Variants in SAP30 observed in about 807,000 individuals in gnomAD.
SAP30 encodes Sin3A associated protein 30.
A neutral mutation model predicts 19.6 loss-of-function variants in SAP30; 13 were observed. The ratio of observed to expected loss-of-function variants is 0.66; its 90% CI spans 0.43 to 1.05. The LOEUF is 1.05. Ranked by LOEUF, SAP30 falls within the 50% of genes least tolerant of loss-of-function variation. SAP30 has a pLI of 0.00. For synonymous variants in SAP30, 108 were observed against 122.7 expected (o/e 0.88, Z 0.79); for missense variants, 257 against 292.1 (o/e 0.88, Z 0.88).
chr4:173,371,158 G>A lies in SAP30; in HGVS notation c.-25G>A. The A allele has an allele frequency of 1.4e-6, 2 of 1,475,012 alleles. No individual in the cohort carries two copies. The highest frequency in any genetic ancestry group is 4.5e-5 in the Admixed American group (2 of 44,090). The allele number at this position is 1,475,012 out of a possible 1,614,324, so 91.4% of individuals were successfully genotyped here. ...GCCAGGAGAGAGGGGATTTCTGTCA[G>A]CGCCGGCCTCGGGAGCTCGGAGACA... On this transcript the variant is annotated 5_prime_UTR_variant, in exon 1 of 4. Coordinates refer to ENST00000296504, the MANE Select transcript of SAP30 (RefSeq NM_003864.4). The surrounding 1 kb of genome is among the most constrained non-coding windows in gnomAD (Gnocchi z 6.4).
At chr4:173,376,639 G>A (rs1241677876) in intron 3 of SAP30, among the ~76,000 whole-genome samples, 1 of 151,384 alleles carries the variant, frequency 6.6e-6, no homozygotes, top group East Asian at 1.9e-4. Flanking sequence ...CTTTTTTTGA[G>A]ACAGAGTCTT....
At chr4:173,373,343 A>G in intron 1 of SAP30, 47 bp from the exon 2 acceptor site, 1 of 1,534,454 alleles carries the variant, frequency 6.5e-7, no homozygotes, top group Non-Finnish European at 8.8e-7. Context: ...ATACATAGAC[A>G]CATTTTACTG....
Position 173,371,911 on chromosome 4 carries a change from G to A in SAP30, c.315+414G>A, listed in dbSNP as rs1005350526. On this transcript the variant is annotated intron_variant, in intron 1 of 3. Transcript: ENST00000296504. The surrounding 1 kb of genome is among the most constrained non-coding windows in gnomAD (Gnocchi z 6.4). ...TGCCCAAGCTGGTGTTTGGCCCCAGGCGGTACTAAATCCCGTCGTCTAGGA... is the reference window on the plus strand; with the variant it reads ...TGCCCAAGCTGGTGTTTGGCCCCAGACGGTACTAAATCCCGTCGTCTAGGA... Among the ~76,000 whole-genome samples the A allele has an allele frequency of 2.6e-5, 4 of 152,246 alleles. No individual in the cohort carries two copies. Among genetic ancestry groups the A allele is most frequent in the Non-Finnish European group, 4.4e-5 (3 of 68,044 alleles).
rs1738914648 is a variant in SAP30 at position 173,371,082 on chromosome 4, A to G, written c.-101A>G. On this transcript the variant is annotated 5_prime_UTR_variant, in exon 1 of 4. Coordinates refer to ENST00000296504, the MANE Select transcript of SAP30 (RefSeq NM_003864.4). The surrounding 1 kb of genome is among the most constrained non-coding windows in gnomAD (Gnocchi z 6.4). ...TGGTGTTTGGCCGTGCCGCTGTCTA[A>G]CTTGGTGTGCAGAGTGAATTGCCGC... The G allele has an allele frequency of 7.7e-7, 1 of 1,290,332 alleles. No individual in the cohort carries two copies. The highest frequency in any genetic ancestry group is 3.1e-4 in the Middle Eastern group (1 of 3,260). 79.9% of individuals were successfully genotyped at this position (1,290,332 alleles called of 1,614,324 possible).
chr4:173,373,654 T>A, intron 2 of SAP30, 139 bp downstream of exon 2: 1 of 851,098 alleles, frequency 1.2e-6, no homozygotes, highest in Non-Finnish European at 1.7e-6. Context: ...ATATAGCCAG[T>A]TGACATGCAT....
At chr4:173,372,049 G>A (rs1738949477) in intron 1 of SAP30, among the ~76,000 whole-genome samples, 1 of 152,230 alleles carries the variant, frequency 6.6e-6, no homozygotes. Context: ...CAGTGAGCCG[G>A]GGTTGTAAAC....
intron 3 of SAP30, 59 bp from the exon 4 acceptor site, chr4:173,377,144 GTA>G: frequency 7.9e-7 from 1 of 1,270,420 alleles, no homozygotes; most frequent in Non-Finnish European, 1.1e-6. Context: ...TATTTTTTAC[GTA>G]GTTTATGAAA....
Position 173,371,623 on chromosome 4 carries a change from G to T in SAP30, c.315+126G>T. The stretch of plus-strand genomic sequence containing the variant: ...ACTGGCTGCAGTGCGGTCTCGTGGA[G>T]TCTGTGTTTGGAAGCAAATAACAAA... On this transcript the variant is annotated intron_variant, in intron 1 of 3. Transcript: ENST00000296504. This position sits in a 1 kb window ranked among gnomAD's most constrained non-coding sequence, Gnocchi z 6.4. The T allele has an allele frequency of 2.1e-6, 3 of 1,431,354 alleles. No homozygotes were observed. Among genetic ancestry groups the T allele is most frequent in the Non-Finnish European group, 2.8e-6 (3 of 1,088,594 alleles). 88.7% of individuals were successfully genotyped at this position (1,431,354 alleles called of 1,614,324 possible).
At chr4:173,374,825 GT>G (rs1392862658) in intron 3 of SAP30, among the ~76,000 whole-genome samples, 2 of 151,884 alleles carry the variant, frequency 1.3e-5, no homozygotes, top group African/African-American at 2.4e-5. Context: ...GTTGATGTTT[GT>G]TTTATTAGAG....
At position 173,371,068 on chromosome 4, in the gene SAP30, C is replaced by G. The variant is rs1274418330; in HGVS notation, c.-115C>G. 4 of 1,219,292 alleles carry G rather than the reference C, an allele frequency of 3.3e-6. No individual in the cohort carries two copies. Among genetic ancestry groups the G allele is most frequent in the Non-Finnish European group, 4.3e-6 (4 of 938,616 alleles). 75.5% of individuals were successfully genotyped at this position (1,219,292 alleles called of 1,614,324 possible). ...AGGCCCGGGACAGTTGGTGTTTGGCCGTGCCGCTGTCTAACTTGGTGTGCA... is the reference window on the plus strand; with the variant it reads ...AGGCCCGGGACAGTTGGTGTTTGGCGGTGCCGCTGTCTAACTTGGTGTGCA... On this transcript the variant is annotated 5_prime_UTR_variant, in exon 1 of 4. Coordinates refer to ENST00000296504, the MANE Select transcript of SAP30 (RefSeq NM_003864.4). The surrounding 1 kb of genome is among the most constrained non-coding windows in gnomAD (Gnocchi z 6.4).
At chr4:173,374,852 T>G (rs543301640) in intron 3 of SAP30, among the ~76,000 whole-genome samples, 2 of 152,178 alleles carry the variant, frequency 1.3e-5, no homozygotes, top group South Asian at 4.1e-4. Flanking sequence ...CATGTTTTTT[T>G]CACATCTAGA....
At chr4:173,375,144 TA>T (rs994916778) in intron 3 of SAP30, among the ~76,000 whole-genome samples, 4 of 151,638 alleles carry the variant, frequency 2.6e-5, no homozygotes, top group Middle Eastern at 3.4e-3. Flanking sequence ...ACTCCATCTC[TA>T]AAAAAAGAAA....
rs748171266 is a variant in SAP30, at chr4:173,373,908, G to C, written c.442-31G>C. The C allele has an allele frequency of 3.8e-6, 4 of 1,052,340 alleles. No individual in the cohort carries two copies. In the South Asian group the frequency reaches 6.2e-5, roughly 16 times the overall value. 65.2% of individuals were successfully genotyped at this position (1,052,340 alleles called of 1,614,324 possible). A position where few individuals can be genotyped will look rare whatever the true frequency, so the allele number is the denominator to read the frequency against. On this transcript the variant is annotated intron_variant, in intron 2 of 3. Coordinates refer to ENST00000296504, the MANE Select transcript of SAP30 (RefSeq NM_003864.4). Reference sequence around the variant, plus strand: ...ATGATAAATTTTCAACAAATTGTATGAACTCATTTATACATGTTAATTTTT... The same window carrying C: ...ATGATAAATTTTCAACAAATTGTATCAACTCATTTATACATGTTAATTTTT...
Position 173,377,136 on chromosome 4 carries a change from T to C in SAP30, c.541-69T>C. ...CACTTTTTCTTTTGATGAAACCGTATTTTTTACGTAGTTTATGAAACCTGT... is the reference window on the plus strand; with the variant it reads ...CACTTTTTCTTTTGATGAAACCGTACTTTTTACGTAGTTTATGAAACCTGT... On this transcript the variant is annotated intron_variant, in intron 3 of 3. Transcript: ENST00000296504. 3 of 1,223,036 alleles carry C rather than the reference T, an allele frequency of 2.5e-6. No individual in the cohort carries two copies. In the South Asian group the frequency reaches 4.7e-5, roughly 19 times the overall value. 75.8% of individuals were successfully genotyped at this position (1,223,036 alleles called of 1,614,324 possible). A position where few individuals can be genotyped will look rare whatever the true frequency, so the allele number is the denominator to read the frequency against.
chr4:173,373,297 T>C (rs1264688584), intron 1 of SAP30, 93 bp from the exon 2 acceptor site: 11 of 1,202,000 alleles, frequency 9.2e-6, no homozygotes, highest in African/African-American at 4.7e-5. Context: ...GCTGTCTTTA[T>C]TTTTAAGAAC....
At chr4:173,374,229 A>G (rs1230368453) in intron 3 of SAP30, among the ~76,000 whole-genome samples, 192 bp downstream of exon 3, 1 of 152,194 alleles carries the variant, frequency 6.6e-6, no homozygotes, top group African/African-American at 2.4e-5. Flanking sequence ...TTTTGTAATG[A>G]CTGCTTAGTA....
In SAP30 at chr4:173,371,016, A is replaced by G. The variant is rs1738912184; in HGVS notation, c.-167A>G. On this transcript the variant is annotated 5_prime_UTR_variant, in exon 1 of 4. Coordinates refer to ENST00000296504, the MANE Select transcript of SAP30 (RefSeq NM_003864.4). The surrounding 1 kb of genome is among the most constrained non-coding windows in gnomAD (Gnocchi z 6.4). ...TGCGTCCCGGCCCTCAGCACTGTCC[A>G]CTGTTTCGGTGCCAGCAGAGACCAG... 2 of 687,008 alleles carry G rather than the reference A, an allele frequency of 2.9e-6. No individual in the cohort carries two copies. Among genetic ancestry groups the G allele is most frequent in the African/African-American group, 1.9e-5 (1 of 51,728 alleles). The allele number at this position is 687,008 out of a possible 1,614,324, so 42.6% of individuals were successfully genotyped here.
In SAP30 at chr4:173,377,498, A is replaced by T. The variant is rs1739066132; in HGVS notation, c.*171A>T. 13 of 537,560 alleles carry T rather than the reference A, an allele frequency of 2.4e-5. No individual in the cohort carries two copies. In the South Asian group the frequency reaches 3.2e-4, roughly 13 times the overall value. The allele number at this position is 537,560 out of a possible 1,614,324, so 33.3% of individuals were successfully genotyped here. On this transcript the variant is annotated 3_prime_UTR_variant, in exon 4 of 4. Transcript: ENST00000296504. ...ACTCATATAAAATGAGCTTTCCTAA[A>T]TTAAATCTATTTTAAATAAAGGTTA...
In SAP30 at chr4:173,371,993, C is replaced by T. The variant is rs1738948086; in HGVS notation, c.315+496C>T. ...TCCTGTTCTTTTCTGTGTTCCGTCT[C>T]CTCCGGAGCGGAGTGAGAGGGAAGC... is the stretch of plus-strand genomic sequence containing the variant. On this transcript the variant is annotated intron_variant, in intron 1 of 3. Transcript: ENST00000296504. The surrounding 1 kb of genome is among the most constrained non-coding windows in gnomAD (Gnocchi z 6.4). Among the ~76,000 whole-genome samples, 1 of 152,232 alleles carries T rather than the reference C, an allele frequency of 6.6e-6. No individual in the cohort carries two copies. The highest frequency in any genetic ancestry group is 2.1e-4 in the South Asian group (1 of 4,836).
Sources: gnomAD v4.1 joint callset for allele counts (sites outside exome capture counted in the v4.1 genomes callset) on GRCh38, gnomAD v4.1.1 for gene constraint, Gnocchi (gnomAD v3.1) non-coding constraint, MANE v1.5 for transcripts, NCBI Gene and HGNC (gene_info 2026-07-23, HGNC 2026-07-21) for gene names.